The following ZFPM2 variants were observed in gnomAD, a reference collection of about 807,000 sequenced individuals.
ZFPM2 encodes the protein zinc finger protein, FOG family member 2, also known as zinc finger protein ZFPM2.
In ZFPM2, 20 loss-of-function variants were observed where a neutral mutation model predicts 98.6. That is an observed-to-expected ratio of 0.20 (90% CI 0.14 to 0.29). ZFPM2 has a LOEUF of 0.29. Among genes scored for constraint, ZFPM2 ranks in the 10% least tolerant of loss-of-function variants. ZFPM2 has a pLI of 1.00. For missense variants in ZFPM2, 1,310 were observed against 1,388.6 expected (o/e 0.94, Z 0.90); for synonymous variants, 518 against 502.7 (o/e 1.03, Z -0.41).
At chr8:105,388,009 T>C (rs1269181500) in intron 1 of ZFPM2, 1 of 152,254 alleles carries the variant, frequency 6.6e-6, no homozygotes, top group East Asian at 1.9e-4. Context: ...CTTCCAGTCT[T>C]AGAAATATGT....
intron 2 of ZFPM2, among the ~76,000 whole-genome samples, chr8:105,439,217 T>C (rs1563658740): frequency 6.6e-6 from 1 of 152,188 alleles, no homozygotes; most frequent in Non-Finnish European, 1.5e-5. Context: ...TAAGTGGTTC[T>C]GCTTAGATTT....
intron 3 of ZFPM2, among the ~76,000 whole-genome samples, chr8:105,489,955 A>G (rs1162055162): frequency 2.6e-5 from 4 of 152,130 alleles, no homozygotes; most frequent in Non-Finnish European, 5.9e-5. Context: ...TTATTTTTAA[A>G]AAATGATGTC....
chr8:105,485,558 G>T (rs1189274874), intron 3 of ZFPM2, among the ~76,000 whole-genome samples: 3 of 152,118 alleles, frequency 2.0e-5, no homozygotes, highest in Non-Finnish European at 4.4e-5. Context: ...TAGCCTCTGT[G>T]TAACGGCCTG....
intron 3 of ZFPM2, among the ~76,000 whole-genome samples, chr8:105,520,681 T>G (rs1586432624): frequency 2.0e-5 from 3 of 152,122 alleles, no homozygotes; most frequent in Non-Finnish European, 4.4e-5. Context: ...GTTCCAGTGA[T>G]GTACTGGGGT....
At chr8:105,399,981 T>G (rs1233014331) in intron 1 of ZFPM2, among the ~76,000 whole-genome samples, 1 of 152,168 alleles carries the variant, frequency 6.6e-6, no homozygotes, top group Admixed American at 6.5e-5. Flanking sequence ...TTGGCCAGGC[T>G]GGTCTTGAAA....
intron 3 of ZFPM2, among the ~76,000 whole-genome samples, chr8:105,494,865 A>G (rs1218053814): frequency 1.3e-5 from 2 of 152,226 alleles, no homozygotes; most frequent in African/African-American, 2.4e-5. Flanking sequence ...AAAGGATACC[A>G]TGTTGGTTCT....
chr8:105,627,129 T>C (rs951366232), intron 4 of ZFPM2, among the ~76,000 whole-genome samples: 7 of 152,214 alleles, frequency 4.6e-5, no homozygotes, highest in African/African-American at 1.7e-4. Context: ...GCTGTCGACT[T>C]TTATCTCCAT....
intron 5 of ZFPM2, among the ~76,000 whole-genome samples, chr8:105,788,369 T>A (rs1215802147): frequency 6.6e-6 from 1 of 152,166 alleles, no homozygotes; most frequent in East Asian, 1.9e-4. Flanking sequence ...AGCAGTTGGG[T>A]CTCTACTATG....
At chr8:105,568,672 CT>C (rs1234956290) in intron 4 of ZFPM2, among the ~76,000 whole-genome samples, 2 of 152,086 alleles carry the variant, frequency 1.3e-5, no homozygotes, top group Admixed American at 6.6e-5. Context: ...TCTGTTCTCT[CT>C]TGTCATCTTT....
At chr8:105,398,696 A>G (rs556580269) in intron 1 of ZFPM2, among the ~76,000 whole-genome samples, 3 of 152,290 alleles carry the variant, frequency 2.0e-5, no homozygotes, top group Admixed American at 6.5e-5. Context: ...GAGAGCAGGC[A>G]GAGCTCAGAT....
chr8:105,520,418 A>G (rs530217269), intron 3 of ZFPM2, among the ~76,000 whole-genome samples: 8 of 152,298 alleles, frequency 5.3e-5, no homozygotes, highest in African/African-American at 1.9e-4. Context: ...AAGGCAGAGC[A>G]TGGAAAAAAT....
intron 5 of ZFPM2, among the ~76,000 whole-genome samples, chr8:105,656,700 A>T (rs573114202): frequency 1.3e-5 from 2 of 152,292 alleles, no homozygotes; most frequent in African/African-American, 4.8e-5. Flanking sequence ...TGCTCTCAAA[A>T]GCAGGAAGGA....
chr8:105,499,504 A>G (rs1813544514), intron 3 of ZFPM2, among the ~76,000 whole-genome samples: 1 of 152,236 alleles, frequency 6.6e-6, no homozygotes, highest in South Asian at 2.1e-4. Flanking sequence ...AATTTCAGGC[A>G]GTGAGTGTAA....
intron 6 of ZFPM2, among the ~76,000 whole-genome samples, chr8:105,796,615 G>A (rs753800980): frequency 5.9e-5 from 9 of 151,434 alleles, no homozygotes; most frequent in Non-Finnish European, 1.0e-4. Flanking sequence ...TCTCCTTATC[G>A]CCTTTAATGT....
At chr8:105,363,109 C>T (rs1810439369) in intron 1 of ZFPM2, among the ~76,000 whole-genome samples, 1 of 152,136 alleles carries the variant, frequency 6.6e-6, no homozygotes. Flanking sequence ...AAGGACTTTG[C>T]ACAAATCGGA....
intron 4 of ZFPM2, among the ~76,000 whole-genome samples, chr8:105,589,369 T>A (rs1408700668): frequency 2.6e-5 from 4 of 152,160 alleles, no homozygotes; most frequent in Non-Finnish European, 4.4e-5. Context: ...CCTTGACAAA[T>A]CCTACCAGCC....
intron 2 of ZFPM2, among the ~76,000 whole-genome samples, chr8:105,421,319 C>A (rs558192771): frequency 3.3e-5 from 5 of 151,806 alleles, no homozygotes; most frequent in Admixed American, 3.3e-4. Context: ...GATATAGAGA[C>A]CATATTAAAT....
intron 2 of ZFPM2, among the ~76,000 whole-genome samples, chr8:105,432,783 T>C (rs1331627931): frequency 6.6e-6 from 1 of 152,198 alleles, no homozygotes; most frequent in East Asian, 1.9e-4. Context: ...CTTTGAAATA[T>C]AAATTTTAGA....
At chr8:105,677,316 A>T (rs2130914429) in intron 5 of ZFPM2, among the ~76,000 whole-genome samples, 1 of 152,084 alleles carries the variant, frequency 6.6e-6, no homozygotes, top group South Asian at 2.1e-4. Context: ...GTTGAGGTAG[A>T]TACTTTTATG....
Sources: allele counts gnomAD v4.1 joint callset (sites outside exome capture counted in the v4.1 genomes callset), GRCh38; gene constraint gnomAD v4.1.1; transcripts MANE v1.5; gene names NCBI Gene and HGNC (gene_info 2026-07-23, HGNC 2026-07-21).